PROX1: variants seen among roughly 807,000 people sequenced by gnomAD.
PROX1 encodes prospero homeobox protein 1.
A neutral mutation model predicts 58.8 loss-of-function variants in PROX1; 7 were observed. That is an observed-to-expected ratio of 0.12 (90% CI 0.07 to 0.22). PROX1 has a LOEUF of 0.22. PROX1 is among the 10% of genes least tolerant of loss of function. The probability of loss-of-function intolerance (pLI) is 1.00; values close to 1 mark genes in which losing one functional copy is unlikely to be tolerated. For missense variants in PROX1, 675 were observed against 927.8 expected (o/e 0.73, Z 3.54); for synonymous variants, 350 against 358.3 (o/e 0.98, Z 0.26).
intron 2 of PROX1, among the ~76,000 whole-genome samples, chr1:214,004,111 G>A (rs1315950569): frequency 1.3e-5 from 2 of 152,182 alleles, no homozygotes; most frequent in African/African-American, 2.4e-5. Context: ...GGACCACATT[G>A]ATTTTCTCCA....
chr1:214,026,251 A>G (rs186048180), intron 4 of PROX1, among the ~76,000 whole-genome samples: 19 of 152,326 alleles, frequency 1.2e-4, no homozygotes, highest in Non-Finnish European at 2.5e-4. Context: ...TGTGACAATT[A>G]TGTTTCCTAA....
chr1:213,997,156 C>T lies in PROX1; in HGVS notation c.621C>T (p.Asn207=), dbSNP rs1158012215. Residue 207 remains asparagine, a synonymous_variant, in exon 2 of 5, where the codon AAC becomes AAT. Coordinates refer to ENST00000366958, the MANE Select transcript of PROX1 (RefSeq NM_001270616.2). The surrounding 1 kb of genome is among the most constrained non-coding windows in gnomAD (Gnocchi z 7.1). The part of the protein sequence containing the change: ...SVSPRESYRE[N]KRKQKLPQQQ... ...GTCCCCGAGAAAGTTACAGAGAAAACAAACGCAAGCAAAAGCTTCCCCAGC... is the reference window on the plus strand; with the variant it reads ...GTCCCCGAGAAAGTTACAGAGAAAATAAACGCAAGCAAAAGCTTCCCCAGC... 1 of 1,613,318 alleles carries T rather than the reference C, an allele frequency of 6.2e-7. No individual in the cohort carries two copies. Among genetic ancestry groups the T allele is most frequent in the Non-Finnish European group, 8.5e-7 (1 of 1,179,852 alleles).
intron 4 of PROX1, among the ~76,000 whole-genome samples, chr1:214,027,644 C>T (rs2102768341): frequency 6.6e-6 from 1 of 152,312 alleles, no homozygotes; most frequent in Middle Eastern, 3.4e-3. Context: ...TTGAAGGCCA[C>T]ATACTTTTCA....
At chr1:213,989,893 G>A (rs1400264209) in intron 1 of PROX1, 1 of 152,244 alleles carries the variant, frequency 6.6e-6, no homozygotes. Flanking sequence ...GTGGTGCTTA[G>A]TCTTAAATAG....
At chr1:214,031,805 G>A (rs562193855) in intron 4 of PROX1, among the ~76,000 whole-genome samples, 2 of 152,224 alleles carry the variant, frequency 1.3e-5, no homozygotes, top group Admixed American at 6.5e-5. Context: ...GTGTTTTCAA[G>A]CAGAGGTAAA....
At chr1:213,991,876 G>T (rs1663049893) in intron 1 of PROX1, among the ~76,000 whole-genome samples, 1 of 152,158 alleles carries the variant, frequency 6.6e-6, no homozygotes, top group Non-Finnish European at 1.5e-5. Flanking sequence ...AAATGTGACT[G>T]ATGTTATAAT....
At chr1:214,019,241 A>C (rs911490486) in intron 4 of PROX1, among the ~76,000 whole-genome samples, 5 of 150,306 alleles carry the variant, frequency 3.3e-5, no homozygotes, top group Non-Finnish European at 5.9e-5. Flanking sequence ...TTGCCCCCCC[A>C]CCCCAAAACA....
Position 213,988,004 on chromosome 1 carries a change from T to G in PROX1, c.-547T>G, listed in dbSNP as rs1662870556. ...GGGAGCGCTCTGAAATAATACACCA[T>G]TGCAGCCGGGGAAAGCAGAGCGGCG... On this transcript the variant is annotated 5_prime_UTR_variant, in exon 1 of 5. Transcript: ENST00000366958. 3 of 151,522 alleles carry G rather than the reference T, an allele frequency of 2.0e-5. No individual in the cohort carries two copies. The highest frequency in any genetic ancestry group is 2.9e-5 in the Non-Finnish European group (2 of 67,942). The allele number at this position is 151,522 out of a possible 1,614,324, so 9.4% of individuals were successfully genotyped here.
At chr1:214,003,963 TG>T (rs1233836558) in intron 2 of PROX1, among the ~76,000 whole-genome samples, 1 of 113,080 alleles carries the variant, frequency 8.8e-6, no homozygotes, top group African/African-American at 3.1e-5. Context: ...GTTGGGTAGT[TG>T]TGTGAGTGTG....
intron 1 of PROX1, among the ~76,000 whole-genome samples, chr1:213,990,399 T>C (rs1394202389): frequency 8.0e-6 from 1 of 125,640 alleles, no homozygotes; most frequent in Non-Finnish European, 1.6e-5. Context: ...AATTGGGCTG[T>C]TGTTCTTTTG....
At chr1:213,987,439 A>ACC (rs993909435), upstream of PROX1, 2 of 132,642 alleles carry the variant, frequency 1.5e-5, no homozygotes, top group African/African-American at 5.7e-5. Flanking sequence ...CACCCCTAAA[A>ACC]CCCCCACTTT....
In PROX1 at chr1:214,040,109, G is replaced by T. The variant is rs1434303129; in HGVS notation, c.*4275G>T. On this transcript the variant is annotated 3_prime_UTR_variant, in exon 5 of 5. Coordinates refer to ENST00000366958, the MANE Select transcript of PROX1 (RefSeq NM_001270616.2). ...AAGCTCCCCTTAAAAAATGTAACTG[G>T]TTTATATGAGTAAGCAGTTACCGTA... 6.6e-6 allele frequency: 1 copy of T among 152,122 alleles called. No individual in the cohort carries two copies. The highest frequency in any genetic ancestry group is 2.4e-5 in the African/African-American group (1 of 41,420). 9.4% of individuals were successfully genotyped at this position (152,122 alleles called of 1,614,324 possible). A position where few individuals can be genotyped will look rare whatever the true frequency, so the allele number is the denominator to read the frequency against.
intron 1 of PROX1, among the ~76,000 whole-genome samples, chr1:213,995,233 C>T (rs1054797445): frequency 1.3e-5 from 2 of 152,084 alleles, no homozygotes; most frequent in Admixed American, 6.5e-5. Flanking sequence ...TAATTATAAA[C>T]AAAAAGATGT....
chr1:214,036,454 G>A lies in PROX1; in HGVS notation c.*620G>A, dbSNP rs527425448. 3 of 152,286 alleles carry A rather than the reference G, an allele frequency of 2.0e-5. No homozygotes were observed. Among genetic ancestry groups the A allele is most frequent in the Non-Finnish European group, 4.4e-5 (3 of 68,018 alleles). 9.4% of individuals were successfully genotyped at this position (152,286 alleles called of 1,614,324 possible). Reference sequence around the variant, plus strand: ...ATAATCACTCTCAAGCCTTGTCTAAGAAAAGAGGCAAACTCTGAAAGTCGT... The same window carrying A: ...ATAATCACTCTCAAGCCTTGTCTAAAAAAAGAGGCAAACTCTGAAAGTCGT... On this transcript the variant is annotated 3_prime_UTR_variant, in exon 5 of 5. Transcript: ENST00000366958.
intron 4 of PROX1, chr1:214,030,459 A>G (rs1428679939): frequency 6.6e-6 from 1 of 152,266 alleles, no homozygotes; most frequent in Non-Finnish European, 1.5e-5. Flanking sequence ...CCAGGGAAAG[A>G]AGTCGATGCC....
chr1:214,018,425 A>G (rs1664168775), intron 4 of PROX1, among the ~76,000 whole-genome samples: 1 of 152,234 alleles, frequency 6.6e-6, no homozygotes, highest in South Asian at 2.1e-4. Flanking sequence ...CCAATCTTCA[A>G]TTCTATCTTG....
intron 2 of PROX1, among the ~76,000 whole-genome samples, chr1:213,999,500 T>C (rs186761703): frequency 6.6e-6 from 1 of 152,330 alleles, no homozygotes; most frequent in East Asian, 1.9e-4. Flanking sequence ...TATGTTTTCC[T>C]GGTTAGTGGA....
chr1:214,032,730 T>C (rs1475889494), intron 4 of PROX1, among the ~76,000 whole-genome samples: 1 of 152,200 alleles, frequency 6.6e-6, no homozygotes, highest in African/African-American at 2.4e-5. Flanking sequence ...TTGCAAAAGA[T>C]ACTCTGCTGA....
At chr1:214,011,838 G>C in intron 4 of PROX1, 123 bp downstream of exon 4, 1 of 752,644 alleles carries the variant, frequency 1.3e-6, no homozygotes, top group Middle Eastern at 4.0e-4. Flanking sequence ...CCCCAATAGA[G>C]TAACAGGTAG....
Sources: gnomAD v4.1 joint callset for allele counts (sites outside exome capture counted in the v4.1 genomes callset) on GRCh38, gnomAD v4.1.1 for gene constraint, Gnocchi (gnomAD v3.1) non-coding constraint, MANE v1.5 for transcripts, NCBI Gene and HGNC (gene_info 2026-07-23, HGNC 2026-07-21) for gene names.